EPHA7: variants seen among roughly 807,000 people sequenced by gnomAD.
EPHA7 encodes ephrin type-A receptor 7.
In EPHA7, 25 loss-of-function variants were observed where a neutral mutation model predicts 112.6. That is an observed-to-expected ratio of 0.22 (90% confidence interval 0.16 to 0.31). The LOEUF (loss-of-function observed/expected upper bound fraction) is 0.31. EPHA7 is among the 10% of genes least tolerant of loss of function. The probability of loss-of-function intolerance (pLI) is 1.00; values close to 1 mark genes in which losing one functional copy is unlikely to be tolerated. For synonymous variants in EPHA7, 437 were observed against 406.5 expected, an observed-to-expected ratio of 1.07 and a Z score of -0.90; for missense variants, 962 against 1,212.6, an observed-to-expected ratio of 0.79 and a Z score of 3.07.
chr6:93,406,278 G>A (rs1459519100), intron 3 of EPHA7, among the ~76,000 whole-genome samples: 1 of 151,500 alleles, frequency 6.6e-6, no homozygotes, highest in Admixed American at 6.6e-5. Flanking sequence ...TAAATCTTAT[G>A]TCTTTGAATT....
chr6:93,415,543 G>A (rs370053422), intron 1 of EPHA7, among the ~76,000 whole-genome samples: 1 of 152,000 alleles, frequency 6.6e-6, no homozygotes, highest in East Asian at 1.9e-4. Flanking sequence ...CTATCAGTAT[G>A]AGAATGCATT....
chr6:93,338,202 CA>C (rs1038489646), intron 5 of EPHA7, among the ~76,000 whole-genome samples: 12 of 152,026 alleles, frequency 7.9e-5, no homozygotes, highest in African/African-American at 2.9e-4. Context: ...CAATTCCATC[CA>C]AATTCAGAGT....
At chr6:93,277,277 A>T (rs2127890652) in intron 5 of EPHA7, among the ~76,000 whole-genome samples, 1 of 152,176 alleles carries the variant, frequency 6.6e-6, no homozygotes, top group South Asian at 2.1e-4. Context: ...AAAAACACAT[A>T]AAAATACATA....
chr6:93,258,307 C>A, intron 10 of EPHA7, 23 bp from the exon 11 acceptor site: 2 of 1,510,128 alleles, frequency 1.3e-6, no homozygotes, highest in Non-Finnish European at 1.8e-6. Flanking sequence ...AACAAGCAGG[C>A]ATATTTTAGT....
At chr6:93,326,374 T>G (rs1774320839) in intron 5 of EPHA7, among the ~76,000 whole-genome samples, 1 of 151,510 alleles carries the variant, frequency 6.6e-6, no homozygotes, top group Non-Finnish European at 1.5e-5. Context: ...AAAGAGTGAT[T>G]TTAAATGAAT....
intron 14 of EPHA7, 145 bp downstream of exon 14, chr6:93,254,502 T>C: frequency 4.2e-6 from 2 of 480,608 alleles, no homozygotes; most frequent in East Asian, 6.7e-5. Flanking sequence ...CACTAATTTA[T>C]GGTAATTAGT....
At position 93,354,721 on chromosome 6, in the gene EPHA7, C is replaced by G. The variant is rs569382412; in HGVS notation, c.1324+1996G>C. ...CCAAAGCCATTTTACATAACAACTG[C>G]GAAATATTTGATTCCAGAAACTTAC... On this transcript the variant is annotated intron_variant, in intron 5 of 16. Coordinates refer to ENST00000369303, the MANE Select transcript of EPHA7 (RefSeq NM_004440.4). Among the ~76,000 whole-genome samples, 4 of 151,010 alleles carry G rather than the reference C, an allele frequency of 2.6e-5. No individual in the cohort carries two copies. The South Asian group carries it at 8.4e-4, about 32-fold the overall frequency.
chr6:93,347,144 G>A (rs574832540), intron 5 of EPHA7, among the ~76,000 whole-genome samples: 1 of 151,840 alleles, frequency 6.6e-6, no homozygotes, highest in African/African-American at 2.4e-5. Context: ...TTTTTCCTAA[G>A]AAAATCCTGA....
intron 5 of EPHA7, among the ~76,000 whole-genome samples, chr6:93,287,701 A>G (rs382405): frequency 1 from 151,267 of 151,910 alleles, 75,317 homozygotes; most frequent in Middle Eastern, 1. Context: ...TCCAACCTCC[A>G]AAATGCCCCA....
At chr6:93,336,639 G>C (rs958650656) in intron 5 of EPHA7, among the ~76,000 whole-genome samples, 1 of 151,972 alleles carries the variant, frequency 6.6e-6, no homozygotes, top group Non-Finnish European at 1.5e-5. Flanking sequence ...CTGACCTTGT[G>C]ATCTGCCCGC....
At chr6:93,364,077 T>C (rs780869876) in intron 3 of EPHA7, among the ~76,000 whole-genome samples, 47 of 152,306 alleles carry the variant, frequency 3.1e-4, no homozygotes, top group Non-Finnish European at 5.6e-4. Flanking sequence ...TTGATAGATA[T>C]AAGGCTTATA....
At chr6:93,358,450 G>A in intron 3 of EPHA7, 39 bp from the exon 4 acceptor site, 52 of 1,465,552 alleles carry the variant, frequency 3.5e-5, no homozygotes, top group South Asian at 2.0e-4. Context: ...AGACATGAGA[G>A]CAAATCGATC....
At chr6:93,276,879 T>C (rs921513332) in intron 5 of EPHA7, among the ~76,000 whole-genome samples, 2 of 152,084 alleles carry the variant, frequency 1.3e-5, no homozygotes, top group African/African-American at 4.8e-5. Flanking sequence ...TACATGTTTC[T>C]AACTGAATTT....
intron 5 of EPHA7, among the ~76,000 whole-genome samples, chr6:93,322,923 T>C (rs1774146671): frequency 6.6e-6 from 1 of 151,572 alleles, no homozygotes; most frequent in Admixed American, 6.6e-5. Context: ...CAATTATCAC[T>C]TTTTGAGGGT....
intron 15 of EPHA7, among the ~76,000 whole-genome samples, chr6:93,246,329 C>T (rs887237420): frequency 1.1e-4 from 17 of 152,184 alleles, no homozygotes; most frequent in African/African-American, 2.9e-4. Flanking sequence ...GGATTACAAG[C>T]GTGAGCCACC....
chr6:93,402,854 A>C (rs746305344), intron 3 of EPHA7, among the ~76,000 whole-genome samples: 11 of 152,232 alleles, frequency 7.2e-5, no homozygotes, highest in Admixed American at 2.0e-4. Context: ...TTCTTAATAT[A>C]GAAAATGTTA....
At chr6:93,266,496 T>G (rs1012965412) in intron 7 of EPHA7, among the ~76,000 whole-genome samples, 1 of 151,762 alleles carries the variant, frequency 6.6e-6, no homozygotes, top group African/African-American at 2.4e-5. Context: ...ACATTATGGT[T>G]AATATTTTCA....
chr6:93,280,412 G>T (rs924355904), intron 5 of EPHA7, among the ~76,000 whole-genome samples: 1 of 152,144 alleles, frequency 6.6e-6, no homozygotes, highest in African/African-American at 2.4e-5. Context: ...ACATTTTTCT[G>T]TCTAGTGGCC....
At position 93,254,516 on chromosome 6, in the gene EPHA7, G is replaced by A. The variant is rs553076168; in HGVS notation, c.2532+131C>T. On this transcript the variant is annotated intron_variant, in intron 14 of 16. Coordinates refer to ENST00000369303, the MANE Select transcript of EPHA7 (RefSeq NM_004440.4). ...CCACTAATTTATGGTAATTAGTGTG[G>A]TAGTAATTGTGGAAAACTGTATTTT... is the stretch of plus-strand genomic sequence containing the variant. 5.6e-5 allele frequency: 31 copies of A among 557,988 alleles called. No homozygotes were observed. In the South Asian group the frequency reaches 1.5e-3, roughly 27 times the overall value. 34.6% of individuals were successfully genotyped at this position (557,988 alleles called of 1,614,324 possible).
Sources: gnomAD v4.1 joint callset for allele counts (sites outside exome capture counted in the v4.1 genomes callset) on GRCh38, gnomAD v4.1.1 for gene constraint, MANE v1.5 for transcripts, NCBI Gene and HGNC (gene_info 2026-07-23, HGNC 2026-07-21) for gene names.